HTRA3: variants seen among roughly 807,000 people sequenced by gnomAD.
HTRA3 encodes the protein HtrA serine peptidase 3.
Under a neutral mutation model 43.2 loss-of-function variants are expected in HTRA3, and 41 were observed. The ratio of observed to expected loss-of-function variants is 0.95; its 90% CI spans 0.74 to 1.23. The LOEUF (loss-of-function observed/expected upper bound fraction) is 1.23, where lower values mean the gene tolerates loss of function less well. HTRA3 is among the 50% of genes most tolerant of loss of function. The pLI is 0.00. For synonymous variants in HTRA3, 295 were observed against 287.9 expected (o/e 1.02, Z -0.25); for missense variants, 628 against 647.1 (o/e 0.97, Z 0.32).
chr4:8,273,087 AG>A (rs1208930097), intron 1 of HTRA3, among the ~76,000 whole-genome samples: 1 of 152,320 alleles, frequency 6.6e-6, no homozygotes, highest in Admixed American at 6.5e-5. Flanking sequence ...GAGGCCAGGA[AG>A]GGTGAGGGAC....
chr4:8,302,841 G>C (rs1230871401), intron 7 of HTRA3, among the ~76,000 whole-genome samples: 1 of 152,222 alleles, frequency 6.6e-6, no homozygotes, highest in Non-Finnish European at 1.5e-5. Flanking sequence ...CGGCAGGGCT[G>C]CACTCTGCCT....
intron 1 of HTRA3, among the ~76,000 whole-genome samples, chr4:8,273,400 G>A (rs1712378688): frequency 6.6e-6 from 1 of 152,150 alleles, no homozygotes; most frequent in Admixed American, 6.5e-5. Flanking sequence ...AGTCCTGCCT[G>A]ATGAGGGCAG....
At chr4:8,273,974 G>A (rs1225058443) in intron 1 of HTRA3, among the ~76,000 whole-genome samples, 2 of 147,478 alleles carry the variant, frequency 1.4e-5, no homozygotes, top group African/African-American at 2.7e-5. Flanking sequence ...ACATCTCCTG[G>A]GGCGCTCTGA....
chr4:8,291,125 TG>T (rs535835625), intron 3 of HTRA3, among the ~76,000 whole-genome samples: 24 of 152,346 alleles, frequency 1.6e-4, no homozygotes, highest in Non-Finnish European at 2.9e-4. Flanking sequence ...ATGCCTGCCC[TG>T]GGGGAACCTC....
intron 3 of HTRA3, among the ~76,000 whole-genome samples, chr4:8,289,623 G>A (rs1459317756): frequency 6.6e-6 from 1 of 152,224 alleles, no homozygotes; most frequent in East Asian, 1.9e-4. Context: ...TGTGATTCAT[G>A]TCCTGCAGGC....
intron 3 of HTRA3, among the ~76,000 whole-genome samples, chr4:8,288,572 G>A (rs1464521255): frequency 1.0e-5 from 1 of 100,128 alleles, no homozygotes; most frequent in Non-Finnish European, 1.9e-5. Flanking sequence ...ACCGTGCCTA[G>A]CCTTTTTTTT....
At position 8,307,089 on chromosome 4, in the gene HTRA3, T is replaced by C. The variant is rs1481090795; in HGVS notation, c.*953T>C. The C allele has an allele frequency of 6.5e-6, 1 of 152,740 alleles. No individual in the cohort carries two copies. Among genetic ancestry groups the C allele is most frequent in the Non-Finnish European group, 1.5e-5 (1 of 68,150 alleles). 9.5% of individuals were successfully genotyped at this position (152,740 alleles called of 1,614,324 possible). On this transcript the variant is annotated 3_prime_UTR_variant, in exon 9 of 9. Transcript: ENST00000307358. This position sits in a 1 kb window ranked among gnomAD's most constrained non-coding sequence, Gnocchi z 6.1. ...TCTCTACTGTATGGAAAATAAAGTT[T>C]ACAAGCACACGGTTCTCAGCCAGCA...
rs560070072 is a variant in HTRA3, at chr4:8,296,695, G to A, written c.1051+2494G>A. 3.5e-4 allele frequency among the ~76,000 whole-genome samples: 54 copies of A among 152,250 alleles called. 1 individual carries two copies. Among genetic ancestry groups the A allele is most frequent in the African/African-American group, 1.1e-3 (47 of 41,548 alleles). ...AGCCCCACATGGGGTGGTGTGGGGT[G>A]TTTGATTCATGGAGTGGGGCCGTTT... On this transcript the variant is annotated intron_variant, in intron 6 of 8. Coordinates refer to ENST00000307358, the MANE Select transcript of HTRA3 (RefSeq NM_053044.5). The surrounding 1 kb of genome is among the most constrained non-coding windows in gnomAD (Gnocchi z 5.3).
chr4:8,295,665 C>G lies in HTRA3; in HGVS notation c.1051+1464C>G. On this transcript the variant is annotated intron_variant, in intron 6 of 8. Transcript: ENST00000307358. The surrounding 1 kb of genome is among the most constrained non-coding windows in gnomAD (Gnocchi z 6.9). The stretch of plus-strand genomic sequence containing the variant: ...CCCAGGCCTGACTCAGCAACTCACA[C>G]TTCCACATTGCTTTGCTGTCTCCTC... 7.1e-7 allele frequency: 1 copy of G among 1,407,738 alleles called. No individual in the cohort carries two copies. Among genetic ancestry groups the G allele is most frequent in the Non-Finnish European group, 9.3e-7 (1 of 1,078,170 alleles). 87.2% of individuals were successfully genotyped at this position (1,407,738 alleles called of 1,614,324 possible).
chr4:8,270,093 G>A lies in HTRA3; in HGVS notation c.125G>A (p.Gly42Asp), dbSNP rs780415553. Residue 42 changes from glycine to aspartate, a missense_variant, in exon 1 of 9, where the codon GGC (glycine) becomes GAC (aspartate). By Grantham distance (94) the Gly-to-Asp change is moderately conservative (BLOSUM62 -1). Coordinates refer to ENST00000307358, the MANE Select transcript of HTRA3 (RefSeq NM_053044.5). ...TGTCCCAGCCCCCGCTGCCCCGGCGGCTACGTGCCCGACCTCTGCAACTGC... is the reference window on the plus strand; with the variant it reads ...TGTCCCAGCCCCCGCTGCCCCGGCGACTACGTGCCCGACCTCTGCAACTGC... Reference protein sequence around the residue: ...SRCPSPRCPGGYVPDLCNCCL... With the variant: ...SRCPSPRCPGDYVPDLCNCCL... 2 of 1,533,216 alleles carry A rather than the reference G, an allele frequency of 1.3e-6. No homozygotes were observed. Among genetic ancestry groups the A allele is most frequent in the South Asian group, 1.2e-5 (1 of 84,292 alleles). The allele number at this position is 1,533,216 out of a possible 1,614,324, so 95.0% of individuals were successfully genotyped here.
intron 6 of HTRA3, among the ~76,000 whole-genome samples, chr4:8,300,841 A>ACAC (rs1713613866): frequency 6.7e-6 from 1 of 150,002 alleles, no homozygotes; most frequent in Non-Finnish European, 1.5e-5. Context: ...TATTAGATTC[A>ACAC]CACTTTATTA....
chr4:8,302,850 C>A (rs1298323916), intron 7 of HTRA3, among the ~76,000 whole-genome samples: 3 of 152,214 alleles, frequency 2.0e-5, no homozygotes, highest in Non-Finnish European at 4.4e-5. Flanking sequence ...TGCACTCTGC[C>A]TCTGAGGCTC....
chr4:8,291,998 T>C (rs980015160), intron 4 of HTRA3, among the ~76,000 whole-genome samples: 5 of 152,248 alleles, frequency 3.3e-5, no homozygotes, highest in Non-Finnish European at 5.9e-5. Context: ...CGAGTCTTTG[T>C]AGAGGGCCCC....
Position 8,280,018 on chromosome 4 carries a change from G to A in HTRA3, c.386-2419G>A, listed in dbSNP as rs550494160. 5.9e-5 allele frequency among the ~76,000 whole-genome samples: 9 copies of A among 152,322 alleles called. No individual in the cohort carries two copies. In the South Asian group the frequency reaches 1.7e-3, roughly 28 times the overall value. On this transcript the variant is annotated intron_variant, in intron 1 of 8. Coordinates refer to ENST00000307358, the MANE Select transcript of HTRA3 (RefSeq NM_053044.5). ...CAGATTCGGTACAACTGGGGCTGCT[G>A]CGGGGCTGCCTGGAGGAGGCAGGAT... is the stretch of plus-strand genomic sequence containing the variant.
chr4:8,289,255 A>G (rs913176523), intron 3 of HTRA3, among the ~76,000 whole-genome samples: 3 of 151,938 alleles, frequency 2.0e-5, no homozygotes, highest in Non-Finnish European at 2.9e-5. Context: ...CAGCCAACAA[A>G]TTTTCCATGA....
chr4:8,289,492 T>C (rs913145137), intron 3 of HTRA3, among the ~76,000 whole-genome samples: 1 of 152,186 alleles, frequency 6.6e-6, no homozygotes, highest in Admixed American at 6.5e-5. Context: ...TAGGGGCAGG[T>C]CTGTCTCCCC....
Position 8,297,622 on chromosome 4 carries a change from A to T in HTRA3, c.1051+3421A>T, listed in dbSNP as rs923962008. ...TGAGGAGGTGACCCACCTCCAGCAG[A>T]GACTGTGGGAAGGGAGTGGGGCAGG... On this transcript the variant is annotated intron_variant, in intron 6 of 8. Transcript: ENST00000307358. This position sits in a 1 kb window ranked among gnomAD's most constrained non-coding sequence, Gnocchi z 5.8. Among the ~76,000 whole-genome samples the T allele has an allele frequency of 2.6e-5, 4 of 151,954 alleles. No individual in the cohort carries two copies. The highest frequency in any genetic ancestry group is 5.9e-5 in the Non-Finnish European group (4 of 67,956).
At chr4:8,292,290 G>A (rs1201717236) in intron 4 of HTRA3, 31 bp from the exon 5 acceptor site, 2 of 1,607,008 alleles carry the variant, frequency 1.2e-6, no homozygotes, top group South Asian at 1.1e-5. Context: ...GCGGGGTCAG[G>A]CACAGCTAAT....
chr4:8,301,247 ACT>A (rs1360046334), intron 6 of HTRA3, among the ~76,000 whole-genome samples: 2 of 74,136 alleles, frequency 2.7e-5, no homozygotes. Context: ...ATTGATTCAC[ACT>A]CAGCTTTATT....
Sources: gnomAD v4.1 joint callset for allele counts (sites outside exome capture counted in the v4.1 genomes callset) on GRCh38, gnomAD v4.1.1 for gene constraint, Gnocchi (gnomAD v3.1) non-coding constraint, MANE v1.5 for transcripts, NCBI Gene and HGNC (gene_info 2026-07-23, HGNC 2026-07-21) for gene names.